Variants in MCTP1 observed in about 807,000 individuals in gnomAD.
MCTP1 encodes the protein multiple C2 and transmembrane domain-containing protein 1.
A neutral mutation model predicts 120.6 loss-of-function variants in MCTP1; 69 were observed. The observed-to-expected ratio is 0.57, with a 90% CI of 0.47 to 0.70. The LOEUF (loss-of-function observed/expected upper bound fraction) is 0.70, where lower values mean the gene tolerates loss of function less well. MCTP1 is among the 30% of genes least tolerant of loss of function. The pLI, the probability that MCTP1 is intolerant of heterozygous loss-of-function variation, is 0.00. For synonymous variants in MCTP1, 529 were observed against 493.1 expected (o/e 1.07, Z -0.96); for missense variants, 1,203 against 1,248.8 (o/e 0.96, Z 0.55).
chr5:95,254,691 C>T (rs181217519), intron 1 of MCTP1, among the ~76,000 whole-genome samples: 1 of 152,222 alleles, frequency 6.6e-6, no homozygotes, highest in East Asian at 1.9e-4. Flanking sequence ...ATTTCAAAAA[C>T]TACTACACAT....
chr5:95,050,467 A>G (rs1379690735), intron 1 of MCTP1, among the ~76,000 whole-genome samples: 6 of 152,116 alleles, frequency 3.9e-5, no homozygotes, highest in Non-Finnish European at 5.9e-5. Flanking sequence ...GTAGAAATGA[A>G]GCCATCGGAC....
chr5:95,192,331 C>A (rs1032883698), intron 1 of MCTP1, among the ~76,000 whole-genome samples: 1 of 151,922 alleles, frequency 6.6e-6, no homozygotes, highest in Non-Finnish European at 1.5e-5. Context: ...CTTTATGATA[C>A]TGAGAATATA....
chr5:94,847,735 G>A (rs1285565066), intron 17 of MCTP1, among the ~76,000 whole-genome samples: 2 of 150,126 alleles, frequency 1.3e-5, no homozygotes, highest in Non-Finnish European at 3.0e-5. Context: ...TTGAGAGAGA[G>A]GGAAATATCC....
At chr5:95,001,771 A>G (rs1352335657) in intron 2 of MCTP1, among the ~76,000 whole-genome samples, 1 of 152,222 alleles carries the variant, frequency 6.6e-6, no homozygotes, top group Admixed American at 6.5e-5. Context: ...GATGCCATAG[A>G]AAAGAAAAAA....
intron 2 of MCTP1, among the ~76,000 whole-genome samples, chr5:94,981,712 C>T (rs573176892): frequency 6.6e-6 from 1 of 152,194 alleles, no homozygotes; most frequent in African/African-American, 2.4e-5. Context: ...TATAAGGACA[C>T]ATTTGAAAAG....
chr5:95,203,503 T>C (rs1057154348), intron 1 of MCTP1, among the ~76,000 whole-genome samples: 2 of 152,346 alleles, frequency 1.3e-5, no homozygotes. Context: ...TAGAAGTCCG[T>C]ATCTACTGTT....
At chr5:95,087,524 AT>A (rs1233348148) in intron 1 of MCTP1, among the ~76,000 whole-genome samples, 1 of 152,110 alleles carries the variant, frequency 6.6e-6, no homozygotes, top group Non-Finnish European at 1.5e-5. Context: ...AGATCTCTGG[AT>A]TTTTTCAAGA....
At chr5:95,152,874 T>G (rs1416946134) in intron 1 of MCTP1, among the ~76,000 whole-genome samples, 2 of 152,080 alleles carry the variant, frequency 1.3e-5, no homozygotes, top group Non-Finnish European at 2.9e-5. Context: ...GGGCTCTCAC[T>G]CTCCTTTCCT....
At chr5:95,026,441 A>T (rs1021436553) in intron 1 of MCTP1, among the ~76,000 whole-genome samples, 3 of 152,000 alleles carry the variant, frequency 2.0e-5, no homozygotes, top group African/African-American at 7.3e-5. Flanking sequence ...TCTTCCCCTC[A>T]ACCCCCAACT....
chr5:94,969,018 A>G lies in MCTP1; in HGVS notation c.839-15657T>C, dbSNP rs569437677. ...CTTAACTTTAGAATTTGTTTATAAA[A>G]ACATTATTTTGTAATTATAAATTCC... On this transcript the variant is annotated intron_variant, in intron 2 of 22. Coordinates refer to ENST00000515393, the MANE Select transcript of MCTP1 (RefSeq NM_024717.7). Among the ~76,000 whole-genome samples, 8 of 152,324 alleles carry G rather than the reference A, an allele frequency of 5.3e-5. No individual in the cohort carries two copies. In the South Asian group the frequency reaches 1.7e-3, roughly 32 times the overall value.
intron 1 of MCTP1, among the ~76,000 whole-genome samples, chr5:95,172,136 C>T (rs1747387255): frequency 1.3e-5 from 2 of 152,138 alleles, no homozygotes; most frequent in Non-Finnish European, 2.9e-5. Flanking sequence ...CAGTCAGGAC[C>T]CTCAGCTGCA....
intron 1 of MCTP1, among the ~76,000 whole-genome samples, chr5:95,249,787 G>C (rs1757199196): frequency 6.6e-6 from 1 of 152,192 alleles, no homozygotes; most frequent in African/African-American, 2.4e-5. Context: ...ACTGGATTAA[G>C]AAAATGTGGC....
chr5:94,762,109 C>A (rs1771493851), intron 19 of MCTP1, among the ~76,000 whole-genome samples: 1 of 152,176 alleles, frequency 6.6e-6, no homozygotes, highest in Admixed American at 6.5e-5. Context: ...ACAGAGTGGT[C>A]AATTATTAGT....
In MCTP1 at chr5:94,708,563, A is replaced by T; in HGVS notation, c.2877T>A (p.Asp959Glu). The stretch of plus-strand genomic sequence containing the variant: ...AAAGGAAGTCAAGTAGTTCATTGTT[A>T]TCAATTGCATATGGACTCCGAAGCT... ...TKKLRSPYAI[D>E]NNELLDFLSR... The change falls in exon 22 of 23, where the codon GAT (aspartate) becomes GAA (glutamate). Residue 959 changes from aspartate to glutamate, a missense_variant. Coordinates refer to ENST00000515393, the MANE Select transcript of MCTP1 (RefSeq NM_024717.7). 6.2e-7 allele frequency: 1 copy of T among 1,611,740 alleles called. No homozygotes were observed. Among genetic ancestry groups the T allele is most frequent in the Non-Finnish European group, 8.5e-7 (1 of 1,178,352 alleles).
chr5:94,889,750 C>CCACACACACACACACACACACA (rs750983646), intron 11 of MCTP1, among the ~76,000 whole-genome samples: 5 of 145,602 alleles, frequency 3.4e-5, no homozygotes, highest in African/African-American at 1.3e-4. Context: ...TGAATGTACA[C>CCACACACACACACACACACACA]CACACACACA....
At chr5:95,055,723 G>A (rs1255519223) in intron 1 of MCTP1, among the ~76,000 whole-genome samples, 2 of 152,138 alleles carry the variant, frequency 1.3e-5, no homozygotes, top group Non-Finnish European at 1.5e-5. Context: ...TGCCTGTGTT[G>A]CATACTAGCT....
At chr5:95,027,685 G>C (rs1334590200) in intron 1 of MCTP1, among the ~76,000 whole-genome samples, 2 of 152,198 alleles carry the variant, frequency 1.3e-5, no homozygotes, top group African/African-American at 4.8e-5. Flanking sequence ...TCCCACTGCT[G>C]AAAGCCTGAA....
At chr5:95,134,037 T>C (rs1335077624) in intron 1 of MCTP1, among the ~76,000 whole-genome samples, 1 of 152,232 alleles carries the variant, frequency 6.6e-6, no homozygotes. Flanking sequence ...ACTTTTCATC[T>C]GTTTGTCTGA....
chr5:94,941,561 C>T (rs932124412), intron 4 of MCTP1, among the ~76,000 whole-genome samples: 1 of 151,936 alleles, frequency 6.6e-6, no homozygotes, highest in Non-Finnish European at 1.5e-5. Context: ...TCCATCATCC[C>T]TGGGGCATGA....
Sources: gnomAD v4.1 joint callset for allele counts (sites outside exome capture counted in the v4.1 genomes callset) on GRCh38, gnomAD v4.1.1 for gene constraint, MANE v1.5 for transcripts, NCBI Gene and HGNC (gene_info 2026-07-23, HGNC 2026-07-21) for gene names.